The following SEPTIN9 variants were observed in gnomAD, a reference collection of about 807,000 sequenced individuals.
The protein encoded by SEPTIN9 is septin-9.
SEPTIN9 carries 13 observed loss-of-function variants against 56.6 expected under a neutral mutation model. That is an observed-to-expected ratio of 0.23 (90% CI 0.15 to 0.37). The LOEUF (loss-of-function observed/expected upper bound fraction) is 0.37, where lower values mean the gene tolerates loss of function less well. SEPTIN9 is among the 10% of genes least tolerant of loss of function. SEPTIN9 has a pLI of 1.00. For missense variants in SEPTIN9, 650 were observed against 823.1 expected, an observed-to-expected ratio of 0.79 and a Z score of 2.57; for synonymous variants, 332 against 334.1, an observed-to-expected ratio of 0.99 and a Z score of 0.07.
chr17:77,461,019 G>A (rs1036643413), intron 3 of SEPTIN9, among the ~76,000 whole-genome samples: 8 of 152,110 alleles, frequency 5.3e-5, no homozygotes, highest in Non-Finnish European at 8.8e-5. Context: ...AAAATCTGTG[G>A]GGAGGCTGGG....
intron 2 of SEPTIN9, among the ~76,000 whole-genome samples, chr17:77,383,453 C>T (rs867762692): frequency 6.7e-6 from 1 of 150,282 alleles, no homozygotes; most frequent in South Asian, 2.1e-4. Flanking sequence ...CCTCCCAGTC[C>T]GCACCTGCAT....
intron 2 of SEPTIN9, among the ~76,000 whole-genome samples, chr17:77,312,710 T>G (rs569838803): frequency 6.6e-6 from 1 of 152,210 alleles, no homozygotes; most frequent in South Asian, 2.1e-4. Context: ...TTGGCCTTCT[T>G]TTGCGTTGGC....
chr17:77,358,457 C>CA (rs2034321266), intron 2 of SEPTIN9, among the ~76,000 whole-genome samples: 2 of 152,146 alleles, frequency 1.3e-5, no homozygotes, highest in African/African-American at 2.4e-5. Flanking sequence ...CCCATCTCTA[C>CA]AAAAAATACA....
At chr17:77,494,864 T>TA in intron 10 of SEPTIN9, among the ~76,000 whole-genome samples, 1 of 152,168 alleles carries the variant, frequency 6.6e-6, no homozygotes, top group East Asian at 1.9e-4. Context: ...ACTCCTCCCC[T>TA]ACCACCACCC....
chr17:77,331,352 T>A (rs77364803), intron 2 of SEPTIN9, among the ~76,000 whole-genome samples: 1,668 of 152,098 alleles, frequency 0.011, 41 homozygotes, highest in African/African-American at 0.038. Flanking sequence ...CTTATGCTCC[T>A]CCTGGAATGG....
At chr17:77,345,213 T>G (rs1157606076) in intron 2 of SEPTIN9, among the ~76,000 whole-genome samples, 1 of 151,870 alleles carries the variant, frequency 6.6e-6, no homozygotes, top group East Asian at 1.9e-4. Flanking sequence ...GAATTGCAGT[T>G]TGGGAAGATG....
chr17:77,431,328 A>T (rs2037125138), intron 3 of SEPTIN9, among the ~76,000 whole-genome samples: 1 of 152,218 alleles, frequency 6.6e-6, no homozygotes, highest in South Asian at 2.1e-4. Flanking sequence ...AAACACAAAC[A>T]AAAAACCAAC....
chr17:77,476,491 G>C lies in SEPTIN9; in HGVS notation c.722-5653G>C, dbSNP rs1008277191. Among the ~76,000 whole-genome samples, 1 of 152,242 alleles carries C rather than the reference G, an allele frequency of 6.6e-6. No homozygotes were observed. Among genetic ancestry groups the C allele is most frequent in the Non-Finnish European group, 1.5e-5 (1 of 68,024 alleles). ...TGTTCCCAGAGGGTGCTGGCTCAGG[G>C]CTGCGTGGATTACAGCCCTTTCATC... On this transcript the variant is annotated intron_variant, in intron 3 of 11. Transcript: ENST00000427177. This position sits in a 1 kb window ranked among gnomAD's most constrained non-coding sequence, Gnocchi z 6.0.
At chr17:77,345,068 A>G (rs2033849760) in intron 2 of SEPTIN9, among the ~76,000 whole-genome samples, 1 of 152,048 alleles carries the variant, frequency 6.6e-6, no homozygotes, top group Non-Finnish European at 1.5e-5. Context: ...CAGACATGAA[A>G]AGACAAATAC....
intron 2 of SEPTIN9, chr17:77,373,806 C>A: frequency 1.9e-6 from 1 of 530,816 alleles, no homozygotes; most frequent in Non-Finnish European, 3.0e-6. Flanking sequence ...GCTCGTTCTG[C>A]GCACTGCCGC....
chr17:77,396,015 G>A (rs183585665), intron 2 of SEPTIN9, among the ~76,000 whole-genome samples: 9 of 152,312 alleles, frequency 5.9e-5, no homozygotes, highest in African/African-American at 2.2e-4. Context: ...AGTTGAGATC[G>A]GTGGGGATTG....
At chr17:77,438,929 G>T (rs1294756775) in intron 3 of SEPTIN9, among the ~76,000 whole-genome samples, 1 of 152,234 alleles carries the variant, frequency 6.6e-6, no homozygotes, top group Non-Finnish European at 1.5e-5. Context: ...TCCCATGTCT[G>T]TTTGGGAGAA....
At position 77,481,387 on chromosome 17, in the gene SEPTIN9, C is replaced by T. The variant is rs9895879; in HGVS notation, c.722-757C>T. Among the ~76,000 whole-genome samples the T allele has an allele frequency of 5.1e-3, 734 of 144,552 alleles. 3 individuals are homozygous for T. The highest frequency in any genetic ancestry group is 0.014 in the Middle Eastern group (4 of 286). 94.8% of individuals were successfully genotyped at this position (144,552 alleles called of 152,430 possible). A position where few individuals can be genotyped will look rare whatever the true frequency, so the allele number is the denominator to read the frequency against. On this transcript the variant is annotated intron_variant, in intron 3 of 11. Transcript: ENST00000427177. ...CCGCCTGGGTCAGTCCAGGGGGAGGCAGATGTGGTGCAGGGGCCCCCCTCC... is the reference window on the plus strand; with the variant it reads ...CCGCCTGGGTCAGTCCAGGGGGAGGTAGATGTGGTGCAGGGGCCCCCCTCC...
intron 3 of SEPTIN9, among the ~76,000 whole-genome samples, chr17:77,407,682 G>A (rs74000233): frequency 0.073 from 11,058 of 152,262 alleles, 1,218 homozygotes; most frequent in African/African-American, 0.23. Context: ...CCGCCCCAGG[G>A]CCTGGTGAGG....
intron 2 of SEPTIN9, 127 bp from the exon 3 acceptor site, chr17:77,401,932 C>T (rs915812403): frequency 1.2e-5 from 11 of 893,726 alleles, no homozygotes; most frequent in African/African-American, 8.4e-5. Flanking sequence ...ACATGAAGGA[C>T]GGGAAGAGAC....
Position 77,500,166 on chromosome 17 carries a change from A to ATGAGTG in SEPTIN9, c.*1517_*1522dup, listed in dbSNP as rs1190282449. On this transcript the variant is annotated 3_prime_UTR_variant, in exon 12 of 12. Transcript: ENST00000427177. ...GGAGAAGGTCAGCGAGAAGGAGTGTATGAGTGTGAGTGTGTGTGCATGGAA... is the reference window on the plus strand; with the variant it reads ...GGAGAAGGTCAGCGAGAAGGAGTGTATGAGTGTGAGTGTGAGTGTGTGTGCATGGAA... The ATGAGTG allele has an allele frequency of 3.0e-5, 7 of 232,674 alleles. No individual in the cohort carries two copies. The highest frequency in any genetic ancestry group is 6.6e-5 in the African/African-American group (3 of 45,244). The allele number at this position is 232,674 out of a possible 1,614,324, so 14.4% of individuals were successfully genotyped here. A position where few individuals can be genotyped will look rare whatever the true frequency, so the allele number is the denominator to read the frequency against.
At position 77,371,543 on chromosome 17, in the gene SEPTIN9, G is replaced by A. The variant is rs996255035; in HGVS notation, c.77-30516G>A. ...TGCCGGACCCGGCATCTTCCCAGGG[G>A]GGCTGTGTTGTTGGGCTGAGTTTCT... On this transcript the variant is annotated intron_variant, in intron 2 of 11. Coordinates refer to ENST00000427177, the MANE Select transcript of SEPTIN9 (RefSeq NM_001113491.2). This position sits in a 1 kb window ranked among gnomAD's most constrained non-coding sequence, Gnocchi z 4.1. 1.3e-5 allele frequency among the ~76,000 whole-genome samples: 2 copies of A among 152,178 alleles called. No individual in the cohort carries two copies. Among genetic ancestry groups the A allele is most frequent in the African/African-American group, 4.8e-5 (2 of 41,462 alleles).
intron 2 of SEPTIN9, among the ~76,000 whole-genome samples, chr17:77,343,855 T>C (rs994841230): frequency 3.9e-5 from 6 of 152,082 alleles, no homozygotes; most frequent in Non-Finnish European, 7.4e-5. Flanking sequence ...AGTGGAGAGA[T>C]AGAGTTTGTT....
chr17:77,440,577 A>G (rs1363003563), intron 3 of SEPTIN9, among the ~76,000 whole-genome samples: 1 of 152,124 alleles, frequency 6.6e-6, no homozygotes, highest in Non-Finnish European at 1.5e-5. Context: ...TTCTCTTCCA[A>G]TTCAGAGCGG....
Sources: allele counts gnomAD v4.1 joint callset (sites outside exome capture counted in the v4.1 genomes callset), GRCh38; gene constraint gnomAD v4.1.1; non-coding constraint Gnocchi (gnomAD v3.1); transcripts MANE v1.5; gene names NCBI Gene and HGNC (gene_info 2026-07-23, HGNC 2026-07-21).